Variants in KLF8 observed in about 807,000 individuals in gnomAD.
KLF8 encodes the protein KLF transcription factor 8.
KLF8 carries 10 observed loss-of-function variants against 18.2 expected under a neutral mutation model. That is an observed-to-expected ratio of 0.55 (90% CI 0.34 to 0.93). The LOEUF is 0.93. KLF8 is among the 40% of genes least tolerant of loss of function. The pLI is 0.02. For synonymous variants in KLF8, 109 were observed against 97.3 expected, an observed-to-expected ratio of 1.12 and a Z score of -0.71; for missense variants, 264 against 277.9, an observed-to-expected ratio of 0.95 and a Z score of 0.36.
the KLF8 span, among the ~76,000 whole-genome samples, chrX:56,180,006 A>G: frequency 9.0e-6 from 1 of 111,253 alleles, no homozygotes; most frequent in Non-Finnish European, 1.9e-5. Context: ...CTGGCCCCAT[A>G]AAATGAGTTA....
chrX:56,254,405 G>A (rs1038912658), intron 2 of KLF8, among the ~76,000 whole-genome samples: 2 of 110,905 alleles, frequency 1.8e-5, no homozygotes, highest in East Asian at 2.8e-4. Context: ...AGCAGAGTCC[G>A]GGGGGCGGGG....
the KLF8 span, among the ~76,000 whole-genome samples, chrX:56,183,552 C>T: frequency 9.0e-6 from 1 of 111,434 alleles, no homozygotes; most frequent in African/African-American, 3.3e-5. Context: ...GCCACTCATG[C>T]TAGGATCTGT....
chrX:56,242,854 C>T (rs1211068517), intron 1 of KLF8: 6 of 330,897 alleles, frequency 1.8e-5, no homozygotes, highest in Non-Finnish European at 3.3e-5. Context: ...AGCAGGAAAA[C>T]TACAGGGGTT....
At chrX:56,068,218 G>A in the KLF8 span, among the ~76,000 whole-genome samples, 59 of 111,857 alleles carry the variant, frequency 5.3e-4, no homozygotes, top group Non-Finnish European at 1.0e-3. Context: ...AACTCAGCTG[G>A]ATGGTGCCAC....
the KLF8 span, among the ~76,000 whole-genome samples, chrX:56,142,281 T>G: frequency 9.0e-6 from 1 of 111,731 alleles, no homozygotes; most frequent in Non-Finnish European, 1.9e-5. Context: ...AGTCCTCACC[T>G]TACTCAAAAT....
At chrX:56,184,303 G>A in the KLF8 span, among the ~76,000 whole-genome samples, 4 of 112,287 alleles carry the variant, frequency 3.6e-5, no homozygotes, top group East Asian at 2.8e-4. Flanking sequence ...ACTGCAAGGC[G>A]GGAGTGAGCC....
At chrX:56,182,771 G>A in the KLF8 span, among the ~76,000 whole-genome samples, 66 of 112,802 alleles carry the variant, frequency 5.9e-4, no homozygotes, top group African/African-American at 2.0e-3. Context: ...ACCAGCAGAG[G>A]CTGCAGAGCA....
chrX:55,911,674 GC>G, the KLF8 span, among the ~76,000 whole-genome samples: 1 of 111,650 alleles, frequency 9.0e-6, no homozygotes, highest in Non-Finnish European at 1.9e-5. Flanking sequence ...GAAGAAAAAA[GC>G]CAAGGAAGTC....
chrX:56,173,687 G>A, the KLF8 span, among the ~76,000 whole-genome samples: 2 of 111,414 alleles, frequency 1.8e-5, no homozygotes, highest in East Asian at 5.6e-4. Context: ...AATTACCTTG[G>A]GCATTATGGC....
At chrX:56,153,184 C>T in the KLF8 span, among the ~76,000 whole-genome samples, 5 of 109,290 alleles carry the variant, frequency 4.6e-5, no homozygotes, top group African/African-American at 1.7e-4. Flanking sequence ...ATTGCATTTC[C>T]CAAAAGAAAT....
At chrX:56,214,824 G>A in the KLF8 span, among the ~76,000 whole-genome samples, 1 of 111,938 alleles carries the variant, frequency 8.9e-6, no homozygotes, top group Admixed American at 9.5e-5. Context: ...GCATCACAGA[G>A]CCAGGATTGG....
chrX:56,031,598 T>C, the KLF8 span, among the ~76,000 whole-genome samples: 2 of 111,821 alleles, frequency 1.8e-5, no homozygotes, highest in African/African-American at 3.3e-5. Context: ...CTTTGGATCA[T>C]GTCGCTCGGG....
the KLF8 span, among the ~76,000 whole-genome samples, chrX:56,072,846 A>G: frequency 1.3e-4 from 15 of 111,846 alleles, no homozygotes; most frequent in African/African-American, 4.9e-4. Context: ...CTCTTAGGCA[A>G]TAACTTTAAC....
At chrX:55,983,765 C>G in the KLF8 span, among the ~76,000 whole-genome samples, 4 of 110,771 alleles carry the variant, frequency 3.6e-5, no homozygotes, top group Non-Finnish European at 7.6e-5. Flanking sequence ...CATTTTATCC[C>G]TAGCTCTCTT....
At chrX:55,987,992 A>G in the KLF8 span, among the ~76,000 whole-genome samples, 1 of 112,484 alleles carries the variant, frequency 8.9e-6, no homozygotes, top group African/African-American at 3.2e-5. Flanking sequence ...GGCTGCATAA[A>G]TGCCTTCTTT....
chrX:56,166,288 T>A, the KLF8 span, among the ~76,000 whole-genome samples: 2 of 111,786 alleles, frequency 1.8e-5, no homozygotes, highest in East Asian at 5.6e-4. Context: ...TAAGTGAAAC[T>A]GATGTTTTTA....
intron 1 of KLF8, among the ~76,000 whole-genome samples, chrX:56,248,258 T>C (rs1359316590): frequency 1.8e-5 from 2 of 109,806 alleles, no homozygotes; most frequent in Non-Finnish European, 3.8e-5. Flanking sequence ...TGGATACATA[T>C]GTAACAAACC....
chrX:56,186,962 A>G, the KLF8 span, among the ~76,000 whole-genome samples: 3 of 111,916 alleles, frequency 2.7e-5, no homozygotes, highest in Non-Finnish European at 1.9e-5. Context: ...CACAATTAAA[A>G]GAACTAGAGA....
chrX:56,054,091 G>T, the KLF8 span, among the ~76,000 whole-genome samples: 6 of 109,609 alleles, frequency 5.5e-5, no homozygotes, highest in East Asian at 1.7e-3. Context: ...GTGATGTTAA[G>T]TTGTTAAATT....
Sources: gnomAD v4.1 joint callset for allele counts (sites outside exome capture counted in the v4.1 genomes callset) on GRCh38, gnomAD v4.1.1 for gene constraint, MANE v1.5 for transcripts, NCBI Gene and HGNC (gene_info 2026-07-23, HGNC 2026-07-21) for gene names.